The following CPVL variants were observed in gnomAD, a reference collection of about 807,000 sequenced individuals.
The protein encoded by CPVL is probable serine carboxypeptidase CPVL.
CPVL carries 51 observed loss-of-function variants against 63.7 expected under a neutral mutation model. The ratio of observed to expected loss-of-function variants is 0.80; its 90% CI spans 0.64 to 1.01. The LOEUF (loss-of-function observed/expected upper bound fraction) is 1.01. Among genes scored for constraint, CPVL ranks in the 50% least tolerant of loss-of-function variants. The probability of loss-of-function intolerance (pLI) is 0.00; values close to 1 mark genes in which losing one functional copy is unlikely to be tolerated. For synonymous variants in CPVL, 195 were observed against 206.0 expected (o/e 0.95, Z 0.46); for missense variants, 530 against 573.1 (o/e 0.92, Z 0.77).
At chr7:29,103,252 T>TG (rs201244470) in intron 3 of CPVL, among the ~76,000 whole-genome samples, 23 of 88,048 alleles carry the variant, frequency 2.6e-4, no homozygotes, top group Non-Finnish European at 5.1e-4. Flanking sequence ...TGTTTTGTTT[T>TG]TTTTTTTTTT....
chr7:29,148,977 C>T (rs1401259079), upstream of CPVL, among the ~76,000 whole-genome samples: 1 of 152,100 alleles, frequency 6.6e-6, no homozygotes, highest in African/African-American at 2.4e-5. Flanking sequence ...GGAAAGGTGG[C>T]AGCACAGGCA....
At chr7:29,041,474 G>GCTT (rs1283161981) in intron 11 of CPVL, among the ~76,000 whole-genome samples, 1 of 152,176 alleles carries the variant, frequency 6.6e-6, no homozygotes, top group Admixed American at 6.5e-5. Context: ...CTGCCTGTCA[G>GCTT]AAGGTCAGCT....
intron 12 of CPVL, among the ~76,000 whole-genome samples, chr7:29,007,565 A>AT (rs1430224330): frequency 6.6e-6 from 1 of 152,140 alleles, no homozygotes; most frequent in Non-Finnish European, 1.5e-5. Flanking sequence ...AATATTTCTC[A>AT]TTTTTTCTCC....
rs3735558 is a variant in CPVL, at chr7:29,082,560, T to C, written c.609+3924A>G. On this transcript the variant is annotated intron_variant, in intron 7 of 12. Transcript: ENST00000265394. ...TCAAGGCATCATTATTTAGTGTTTT[T>C]TCTTCTGAAAAGAGCAGTGCCCCCA... is the stretch of plus-strand genomic sequence containing the variant. 4 of 151,858 alleles carry C rather than the reference T, an allele frequency of 2.6e-5. No individual in the cohort carries two copies. In the South Asian group the frequency reaches 8.3e-4, roughly 32 times the overall value. 9.4% of individuals were successfully genotyped at this position (151,858 alleles called of 1,614,324 possible).
chr7:29,072,209 A>T, intron 8 of CPVL, 92 bp downstream of exon 8: 1 of 1,418,012 alleles, frequency 7.1e-7, no homozygotes, highest in Non-Finnish European at 9.6e-7. Flanking sequence ...TCCCTTATCA[A>T]AAGTTAGACC....
intron 12 of CPVL, among the ~76,000 whole-genome samples, chr7:29,026,344 A>G (rs533701149): frequency 6.6e-6 from 1 of 152,248 alleles, no homozygotes; most frequent in African/African-American, 2.4e-5. Context: ...AGTTTATAGT[A>G]ATAAATACCT....
chr7:29,088,312 TTG>T (rs1298338935), intron 6 of CPVL, among the ~76,000 whole-genome samples: 1 of 152,182 alleles, frequency 6.6e-6, no homozygotes, highest in Non-Finnish European at 1.5e-5. Context: ...ACTGGGTATT[TTG>T]TGTTTTATCT....
rs188429248 is a variant in CPVL, at chr7:29,165,131, A to G, written c.-11+16159T>C. Among the ~76,000 whole-genome samples the G allele has an allele frequency of 2.6e-4, 40 of 152,338 alleles. No homozygotes were observed. The East Asian group carries it at 6.8e-3, about 26-fold the overall frequency. ...TTTATTGGCATTGCATTTAATCTAAAGATCAATGTGGGGAGAATAGATATC... is the reference window on the plus strand; with the variant it reads ...TTTATTGGCATTGCATTTAATCTAAGGATCAATGTGGGGAGAATAGATATC... On this transcript the variant is annotated intron_variant, in intron 5 of 16. Coordinates refer to the CPVL transcript ENST00000409850.
chr7:29,120,746 G>A (rs367915221), intron 2 of CPVL, 147 bp downstream of exon 2: 31 of 673,996 alleles, frequency 4.6e-5, no homozygotes, highest in East Asian at 2.1e-4. Flanking sequence ...GCTTGAACCC[G>A]GGAGGCGGAG....
chr7:29,072,263 C>G (rs17748684), intron 8 of CPVL, 38 bp downstream of exon 8: 165,177 of 1,610,942 alleles, frequency 0.1, 9,449 homozygotes, highest in Middle Eastern at 0.14. Flanking sequence ...TTTAATCCCC[C>G]TAAGAGACAA....
intron 11 of CPVL, among the ~76,000 whole-genome samples, chr7:29,040,805 AT>A (rs907370857): frequency 4.6e-5 from 7 of 152,184 alleles, no homozygotes; most frequent in African/African-American, 1.7e-4. Context: ...AAAAAAAATT[AT>A]TCCTGCTTTC....
chr7:29,108,403 A>G (rs1787932791), intron 3 of CPVL, among the ~76,000 whole-genome samples: 1 of 152,188 alleles, frequency 6.6e-6, no homozygotes, highest in South Asian at 2.1e-4. Context: ...AATAATCTCT[A>G]TGTCTTTTTT....
intron 7 of CPVL, among the ~76,000 whole-genome samples, chr7:29,079,337 C>T (rs763577395): frequency 2.0e-5 from 3 of 152,124 alleles, no homozygotes; most frequent in Non-Finnish European, 4.4e-5. Flanking sequence ...AAGGCTGCAC[C>T]ACTAGCTCAT....
intron 5 of CPVL, among the ~76,000 whole-genome samples, chr7:29,172,298 A>G (rs185661930): frequency 1.3e-5 from 2 of 152,350 alleles, no homozygotes. Context: ...GATTTCTGTT[A>G]GTTGACTGGT....
intron 7 of CPVL, among the ~76,000 whole-genome samples, chr7:29,085,619 A>G (rs536554862): frequency 1.3e-5 from 2 of 152,336 alleles, no homozygotes; most frequent in Admixed American, 1.3e-4. Flanking sequence ...CAGTGTTTGA[A>G]TGGTCTTTAA....
chr7:29,092,795 C>T, intron 5 of CPVL, 93 bp from the exon 6 acceptor site: 1 of 891,732 alleles, frequency 1.1e-6, no homozygotes, highest in East Asian at 2.6e-5. Context: ...TGACCTTGTT[C>T]CAAAGGCCAA....
At chr7:29,083,101 G>C (rs1784892199) in intron 7 of CPVL, among the ~76,000 whole-genome samples, 1 of 152,184 alleles carries the variant, frequency 6.6e-6, no homozygotes, top group Non-Finnish European at 1.5e-5. Context: ...AAAACCTAAA[G>C]TGTAGTATGC....
intron 3 of CPVL, among the ~76,000 whole-genome samples, chr7:29,100,139 GT>G (rs1347905603): frequency 1.3e-5 from 2 of 152,200 alleles, no homozygotes; most frequent in Admixed American, 6.5e-5. Context: ...TGGGATCTGG[GT>G]GGAAGGTAGC....
At chr7:29,092,595 A>G (rs1785930146) in intron 6 of CPVL, 28 bp downstream of exon 6, 3 of 1,533,204 alleles carry the variant, frequency 2.0e-6, no homozygotes, top group Non-Finnish European at 1.8e-6. Context: ...GGTCTTAGGA[A>G]AGCCAAGAGA....
Sources: gnomAD v4.1 joint callset for allele counts (sites outside exome capture counted in the v4.1 genomes callset) on GRCh38, gnomAD v4.1.1 for gene constraint, MANE v1.5 for transcripts, NCBI Gene and HGNC (gene_info 2026-07-23, HGNC 2026-07-21) for gene names.